Variants in MTMR12 observed in about 807,000 individuals in gnomAD.
MTMR12 encodes myotubularin-related protein 12.
A neutral mutation model predicts 96.7 loss-of-function variants in MTMR12; 33 were observed. The observed-to-expected ratio is 0.34, with a 90% CI of 0.26 to 0.46. The LOEUF is 0.46. Among genes scored for constraint, MTMR12 ranks in the 20% least tolerant of loss-of-function variants. The pLI is 1.00. For missense variants in MTMR12, 721 were observed against 896.1 expected, an observed-to-expected ratio of 0.80 and a Z score of 2.49; for synonymous variants, 298 against 327.2, an observed-to-expected ratio of 0.91 and a Z score of 0.96.
chr5:32,289,800 G>A (rs1359623581), intron 1 of MTMR12, among the ~76,000 whole-genome samples: 1 of 152,188 alleles, frequency 6.6e-6, no homozygotes, highest in African/African-American at 2.4e-5. Flanking sequence ...GGGCTATTAT[G>A]GTGGAAAAGG....
intron 1 of MTMR12, among the ~76,000 whole-genome samples, chr5:32,293,717 A>G (rs148189893): frequency 3.3e-4 from 50 of 152,246 alleles, no homozygotes; most frequent in African/African-American, 1.2e-3. Flanking sequence ...CTCTCACTCA[A>G]AGGTGTTTCA....
chr5:32,239,245 C>T, intron 12 of MTMR12, 72 bp from the exon 13 acceptor site: 1 of 1,412,224 alleles, frequency 7.1e-7, no homozygotes, highest in South Asian at 1.7e-5. Flanking sequence ...AGAATGCTCT[C>T]ACTTGCACAG....
At chr5:32,288,777 C>T (rs1390391745) in intron 1 of MTMR12, among the ~76,000 whole-genome samples, 2 of 152,226 alleles carry the variant, frequency 1.3e-5, no homozygotes, top group South Asian at 4.2e-4. Context: ...AAAGATGGCC[C>T]ACTATGAGTG....
chr5:32,291,762 G>T (rs997009892), intron 1 of MTMR12, among the ~76,000 whole-genome samples: 10 of 152,172 alleles, frequency 6.6e-5, no homozygotes, highest in Non-Finnish European at 1.3e-4. Flanking sequence ...CCACTGTTGA[G>T]TGCCCAGTTT....
chr5:32,258,341 T>C, intron 7 of MTMR12, among the ~76,000 whole-genome samples: 1 of 152,212 alleles, frequency 6.6e-6, no homozygotes, highest in East Asian at 1.9e-4. Flanking sequence ...AGGCATCCCT[T>C]TTTCAGGTGT....
intron 1 of MTMR12, among the ~76,000 whole-genome samples, chr5:32,286,498 C>T (rs1025731550): frequency 3.3e-5 from 5 of 150,964 alleles, no homozygotes; most frequent in South Asian, 4.2e-4. Flanking sequence ...CCAGCCTGGG[C>T]GACAAAGTGA....
rs1349608034 is a variant in MTMR12 at position 32,250,509 on chromosome 5, GT to G, written c.790-1632del. Among the ~76,000 whole-genome samples the G allele has an allele frequency of 2.0e-5, 3 of 152,348 alleles. No homozygotes were observed. The East Asian group carries it at 5.8e-4, about 29-fold the overall frequency. ...CTTTCTCAATGCCATGCTAAGCGAT[GT>G]GCAGAAACCACCATACAGTTTTCAG... On this transcript the variant is annotated intron_variant, in intron 8 of 15. Transcript: ENST00000382142.
intron 2 of MTMR12, among the ~76,000 whole-genome samples, chr5:32,276,093 T>C (rs1238374622): frequency 6.6e-6 from 1 of 152,188 alleles, no homozygotes; most frequent in Non-Finnish European, 1.5e-5. Context: ...CACCACCAAG[T>C]AGTTACTACT....
chr5:32,232,464 C>G (rs1209477443), intron 15 of MTMR12, among the ~76,000 whole-genome samples: 1 of 152,144 alleles, frequency 6.6e-6, no homozygotes, highest in Non-Finnish European at 1.5e-5. Flanking sequence ...ATTAGAAAAG[C>G]TAGGTCTGAG....
intron 6 of MTMR12, among the ~76,000 whole-genome samples, chr5:32,266,201 T>TTTTTG (rs143947745): frequency 6.6e-6 from 1 of 151,918 alleles, no homozygotes; most frequent in Non-Finnish European, 1.5e-5. Context: ...TGACTTTACG[T>TTTTTG]TTTTGTTTTG....
chr5:32,263,306 TGA>T, intron 6 of MTMR12, 64 bp from the exon 7 acceptor site: 1 of 1,593,562 alleles, frequency 6.3e-7, no homozygotes, highest in Non-Finnish European at 8.6e-7. Context: ...TTTTATTATG[TGA>T]AAGTCCCTCC....
chr5:32,278,728 G>T (rs1750158376), intron 1 of MTMR12, among the ~76,000 whole-genome samples: 1 of 152,034 alleles, frequency 6.6e-6, no homozygotes, highest in Non-Finnish European at 1.5e-5. Flanking sequence ...ACTGGTCTGG[G>T]GCTTAAGCAA....
At chr5:32,279,799 C>T (rs952845215) in intron 1 of MTMR12, among the ~76,000 whole-genome samples, 1 of 152,172 alleles carries the variant, frequency 6.6e-6, no homozygotes, top group Non-Finnish European at 1.5e-5. Context: ...TCATAGGGAG[C>T]GTGCAACCTG....
At chr5:32,294,999 T>C (rs545667407) in intron 1 of MTMR12, among the ~76,000 whole-genome samples, 1 of 152,344 alleles carries the variant, frequency 6.6e-6, no homozygotes, top group South Asian at 2.1e-4. Context: ...GTCAGACTTT[T>C]AATTTGGAGC....
rs148649721 is a variant in MTMR12 at position 32,305,530 on chromosome 5, AGTG to A, written c.81+7225_81+7227del. ...TCTATCCGCCAAAGACATCAAAGTT[AGTG>A]GTCCAATAAAAATCATCCCAATAAT... On this transcript the variant is annotated intron_variant, in intron 1 of 15. Transcript: ENST00000382142. Among the ~76,000 whole-genome samples the A allele has an allele frequency of 4.4e-3, 677 of 152,354 alleles. 11 individuals carry two copies. Among genetic ancestry groups the A allele is most frequent in the African/African-American group, 0.016 (657 of 41,582 alleles).
chr5:32,293,842 C>A (rs887370071), intron 1 of MTMR12, among the ~76,000 whole-genome samples: 2 of 152,196 alleles, frequency 1.3e-5, no homozygotes, highest in Non-Finnish European at 2.9e-5. Context: ...TCCCTCATAT[C>A]CTTCAAATTG....
intron 5 of MTMR12, among the ~76,000 whole-genome samples, chr5:32,269,225 CTA>C (rs1396793049): frequency 1.3e-5 from 2 of 151,926 alleles, no homozygotes; most frequent in East Asian, 3.9e-4. Flanking sequence ...CGGGGTTTCG[CTA>C]TGTTGGCCAG....
chr5:32,299,590 G>A (rs1311854117), intron 1 of MTMR12, among the ~76,000 whole-genome samples: 5 of 152,182 alleles, frequency 3.3e-5, no homozygotes, highest in African/African-American at 2.4e-5. Context: ...GAAGTTAAAA[G>A]GCTTGGAGCA....
intron 1 of MTMR12, among the ~76,000 whole-genome samples, chr5:32,311,122 G>A (rs998299983): frequency 2.6e-5 from 4 of 152,088 alleles, no homozygotes; most frequent in Admixed American, 6.5e-5. Flanking sequence ...GGCCCAAAGT[G>A]CTGGGATTAC....
Sources: allele counts gnomAD v4.1 joint callset (sites outside exome capture counted in the v4.1 genomes callset), GRCh38; gene constraint gnomAD v4.1.1; transcripts MANE v1.5; gene names NCBI Gene and HGNC (gene_info 2026-07-23, HGNC 2026-07-21).